Variants in RASGEF1A observed in about 807,000 individuals in gnomAD.
RASGEF1A encodes the protein ras-GEF domain-containing family member 1A.
Under a neutral mutation model 56.4 loss-of-function variants are expected in RASGEF1A, and 18 were observed. That is an observed-to-expected ratio of 0.32 (90% CI 0.22 to 0.47). The LOEUF (loss-of-function observed/expected upper bound fraction) is 0.47, where lower values mean the gene tolerates loss of function less well. Ranked by LOEUF, RASGEF1A falls within the 20% of genes least tolerant of loss-of-function variation. RASGEF1A has a pLI of 1.00. For missense variants in RASGEF1A, 422 were observed against 627.1 expected (o/e 0.67, Z 3.49); for synonymous variants, 245 against 242.6 (o/e 1.01, Z -0.09).
intron 1 of RASGEF1A, chr10:43,208,866 G>A (rs988851957): frequency 1.9e-5 from 19 of 985,446 alleles, no homozygotes; most frequent in East Asian, 1.1e-4. Flanking sequence ...GGCTTTTCCC[G>A]GGCAGGAATG....
intron 1 of RASGEF1A, chr10:43,209,195 G>A: frequency 1.0e-6 from 1 of 985,448 alleles, no homozygotes; most frequent in Non-Finnish European, 1.2e-6. Flanking sequence ...TACACCGATG[G>A]CCAGGGTGCT....
chr10:43,264,188 C>A lies in RASGEF1A; in HGVS notation c.-7+2657G>T, dbSNP rs1258360069. ...CTGCTAGCTGGGGAATTCCTGGTGTCCCAGCGCGCAGGGACATTCTGCATG... is the reference window on the plus strand; with the variant it reads ...CTGCTAGCTGGGGAATTCCTGGTGTACCAGCGCGCAGGGACATTCTGCATG... On this transcript the variant is annotated intron_variant, in intron 1 of 12. Transcript: ENST00000395810. 3.3e-5 allele frequency among the ~76,000 whole-genome samples: 5 copies of A among 151,966 alleles called. No homozygotes were observed. In the East Asian group the frequency reaches 9.9e-4, roughly 30 times the overall value.
chr10:43,213,276 C>A lies in RASGEF1A; in HGVS notation c.-6-7154G>T, dbSNP rs376098695. 1.1e-4 allele frequency among the ~76,000 whole-genome samples: 16 copies of A among 152,238 alleles called. No homozygotes were observed. The East Asian group carries it at 2.1e-3, about 20-fold the overall frequency. ...TTACAAATGCTCAAGATGATGGATA[C>A]CCCAAATACCCTGCCTTGATCAGCA... On this transcript the variant is annotated intron_variant, in intron 1 of 12. Coordinates refer to ENST00000395810, the MANE Select transcript of RASGEF1A (RefSeq NM_145313.4).
chr10:43,252,912 G>A (rs559143562), intron 1 of RASGEF1A, among the ~76,000 whole-genome samples: 5 of 151,990 alleles, frequency 3.3e-5, no homozygotes, highest in East Asian at 1.9e-4. Flanking sequence ...GGCACTCATC[G>A]TCCGCACCCC....
intron 2 of RASGEF1A, chr10:43,203,803 C>T: frequency 9.7e-7 from 1 of 1,030,254 alleles, no homozygotes; most frequent in South Asian, 3.3e-5. Context: ...TCCTCGTGGG[C>T]CGAGCTGGAG....
At chr10:43,223,744 G>A (rs1292671520) in intron 1 of RASGEF1A, among the ~76,000 whole-genome samples, 1 of 152,128 alleles carries the variant, frequency 6.6e-6, no homozygotes, top group Non-Finnish European at 1.5e-5. Context: ...AAGAAAGGGA[G>A]GGAGGGCCAG....
chr10:43,217,224 T>C (rs377661829), intron 1 of RASGEF1A, among the ~76,000 whole-genome samples: 1 of 152,170 alleles, frequency 6.6e-6, no homozygotes, highest in East Asian at 1.9e-4. Flanking sequence ...CACCCCAGCA[T>C]GGGGCTGGGG....
At position 43,265,135 on chromosome 10, in the gene RASGEF1A, C is replaced by T. The variant is rs1364457584; in HGVS notation, c.-7+1710G>A. ...ACTGTCCAGCACAAATGCCATTTCTCCCTCCTCCTCCTCCTCCCCTGCCTG... is the reference window on the plus strand; with the variant it reads ...ACTGTCCAGCACAAATGCCATTTCTTCCTCCTCCTCCTCCTCCCCTGCCTG... On this transcript the variant is annotated intron_variant, in intron 1 of 12. Transcript: ENST00000395810. 2.6e-5 allele frequency among the ~76,000 whole-genome samples: 4 copies of T among 152,132 alleles called. No individual in the cohort carries two copies. In the South Asian group the frequency reaches 8.3e-4, roughly 32 times the overall value.
chr10:43,248,358 G>A (rs1373603128), intron 1 of RASGEF1A, among the ~76,000 whole-genome samples: 5 of 104,168 alleles, frequency 4.8e-5, no homozygotes, highest in Admixed American at 2.3e-4. Flanking sequence ...TATGAGACTC[G>A]GTCTTTAAAA....
At chr10:43,238,252 A>T (rs1029526787) in intron 1 of RASGEF1A, among the ~76,000 whole-genome samples, 2 of 151,956 alleles carry the variant, frequency 1.3e-5, no homozygotes, top group Non-Finnish European at 1.5e-5. Flanking sequence ...CAGGAGGGTT[A>T]GCCGCCGCAG....
In RASGEF1A at chr10:43,227,169, G is replaced by A. The variant is rs115420526; in HGVS notation, c.-6-21047C>T. Among the ~76,000 whole-genome samples the A allele has an allele frequency of 8.7e-3, 1,323 of 152,290 alleles. 18 individuals are homozygous for A. The highest frequency in any genetic ancestry group is 0.031 in the African/African-American group (1,276 of 41,534). ...ACTCACCAGCAGTTCCCTGGAGGGC[G>A]AGGTCCAAGAGCCCAAAGGTGTGGG... On this transcript the variant is annotated intron_variant, in intron 1 of 12. Coordinates refer to ENST00000395810, the MANE Select transcript of RASGEF1A (RefSeq NM_145313.4).
intron 1 of RASGEF1A, among the ~76,000 whole-genome samples, chr10:43,215,870 G>T (rs977349519): frequency 6.6e-6 from 1 of 152,212 alleles, no homozygotes; most frequent in African/African-American, 2.4e-5. Flanking sequence ...GTGGGAAAGC[G>T]GTAACCTCTG....
At chr10:43,229,735 G>C (rs915148885) in intron 1 of RASGEF1A, 2 of 1,388,236 alleles carry the variant, frequency 1.4e-6, no homozygotes, top group African/African-American at 3.0e-5. Flanking sequence ...AGCCAAGCAA[G>C]CACCCACTCC....
chr10:43,264,076 C>T (rs1836581472), intron 1 of RASGEF1A, among the ~76,000 whole-genome samples: 1 of 152,084 alleles, frequency 6.6e-6, no homozygotes, highest in Non-Finnish European at 1.5e-5. Context: ...GCCAGGACCC[C>T]GAGGGGCTTT....
At chr10:43,197,856 C>A (rs1024427290) in intron 10 of RASGEF1A, 148 bp downstream of exon 10, 2 of 634,196 alleles carry the variant, frequency 3.2e-6, no homozygotes, top group Non-Finnish European at 5.4e-6. Flanking sequence ...ACCCCGTGAC[C>A]CACTATGAGG....
At chr10:43,204,373 C>A (rs904511676) in intron 2 of RASGEF1A, among the ~76,000 whole-genome samples, 2 of 152,186 alleles carry the variant, frequency 1.3e-5, no homozygotes, top group East Asian at 3.9e-4. Flanking sequence ...CACTGCCCAC[C>A]GCAGCCCTCC....
chr10:43,209,199 G>C (rs1840034122), intron 1 of RASGEF1A: 1 of 985,304 alleles, frequency 1.0e-6, no homozygotes, highest in African/African-American at 1.7e-5. Context: ...CCGATGGCCA[G>C]GGTGCTGAAC....
intron 1 of RASGEF1A, among the ~76,000 whole-genome samples, chr10:43,244,372 G>T (rs765213979): frequency 1.4e-5 from 2 of 142,682 alleles, no homozygotes; most frequent in Non-Finnish European, 3.1e-5. Flanking sequence ...AAACACCTAA[G>T]AATGATCAAT....
intron 1 of RASGEF1A, among the ~76,000 whole-genome samples, chr10:43,247,057 C>T (rs1205101015): frequency 2.6e-5 from 4 of 152,180 alleles, no homozygotes; most frequent in Admixed American, 2.6e-4. Flanking sequence ...ATATGAAGAA[C>T]TCTTACAATT....
Sources: gnomAD v4.1 joint callset for allele counts (sites outside exome capture counted in the v4.1 genomes callset) on GRCh38, gnomAD v4.1.1 for gene constraint, MANE v1.5 for transcripts, NCBI Gene and HGNC (gene_info 2026-07-23, HGNC 2026-07-21) for gene names.